VAT1L: variants seen among roughly 807,000 people sequenced by gnomAD.
VAT1L encodes putative NADPH-dependent quinone oxidoreductase VAT1L.
A neutral mutation model predicts 44.1 loss-of-function variants in VAT1L; 34 were observed. The ratio of observed to expected loss-of-function variants is 0.77; its 90% CI spans 0.59 to 1.03. The LOEUF (loss-of-function observed/expected upper bound fraction) is 1.03, where lower values mean the gene tolerates loss of function less well. Among genes scored for constraint, VAT1L ranks in the 50% least tolerant of loss-of-function variants. VAT1L has a pLI of 0.00. For synonymous variants in VAT1L, 253 were observed against 202.2 expected (o/e 1.25, Z -2.13); for missense variants, 615 against 538.8 (o/e 1.14, Z -1.40).
chr16:77,855,730 G>T (rs988807485), intron 3 of VAT1L, among the ~76,000 whole-genome samples: 2 of 152,156 alleles, frequency 1.3e-5, no homozygotes, highest in African/African-American at 4.8e-5. Flanking sequence ...ATCCAGTAGA[G>T]ATGCTCATTA....
chr16:77,950,089 G>A (rs975451896), intron 7 of VAT1L, among the ~76,000 whole-genome samples: 3 of 152,146 alleles, frequency 2.0e-5, no homozygotes, highest in African/African-American at 4.8e-5. Flanking sequence ...CAATGAACAT[G>A]TGCTCATTGT....
chr16:77,962,319 A>C (rs891889065), intron 7 of VAT1L, among the ~76,000 whole-genome samples: 2 of 152,038 alleles, frequency 1.3e-5, no homozygotes, highest in African/African-American at 4.8e-5. Flanking sequence ...CAGGAACCCA[A>C]AGCATGGTCT....
At chr16:77,855,356 A>G (rs1169511036) in intron 3 of VAT1L, among the ~76,000 whole-genome samples, 2 of 151,838 alleles carry the variant, frequency 1.3e-5, no homozygotes, top group Non-Finnish European at 2.9e-5. Flanking sequence ...AAAAAAAAAA[A>G]AAGTGAAATC....
chr16:77,813,324 A>T (rs1193728452), intron 1 of VAT1L, among the ~76,000 whole-genome samples: 1 of 152,204 alleles, frequency 6.6e-6, no homozygotes, highest in Non-Finnish European at 1.5e-5. Flanking sequence ...AGAGTCAACA[A>T]TGTCTGTCCC....
At chr16:77,802,387 G>A (rs990677701) in intron 1 of VAT1L, among the ~76,000 whole-genome samples, 20 of 152,048 alleles carry the variant, frequency 1.3e-4, no homozygotes, top group African/African-American at 4.8e-4. Context: ...GAGGGCAAGG[G>A]GGGTGGAGCA....
At chr16:77,820,934 G>C (rs1048832650) in intron 2 of VAT1L, among the ~76,000 whole-genome samples, 1 of 152,168 alleles carries the variant, frequency 6.6e-6, no homozygotes, top group East Asian at 1.9e-4. Context: ...CCCTGCCCTA[G>C]CAGTGCATTC....
At chr16:77,802,842 A>G (rs2016088341) in intron 1 of VAT1L, among the ~76,000 whole-genome samples, 1 of 151,930 alleles carries the variant, frequency 6.6e-6, no homozygotes, top group Non-Finnish European at 1.5e-5. Context: ...CACCCTTCAT[A>G]TCTAGTCTTT....
At chr16:77,846,461 T>G (rs2016759117) in intron 3 of VAT1L, among the ~76,000 whole-genome samples, 1 of 152,168 alleles carries the variant, frequency 6.6e-6, no homozygotes, top group South Asian at 2.1e-4. Flanking sequence ...GGATGCCACC[T>G]TCACTACTGG....
intron 1 of VAT1L, among the ~76,000 whole-genome samples, chr16:77,814,884 C>A (rs2016325547): frequency 6.6e-6 from 1 of 152,182 alleles, no homozygotes. Context: ...CATACTTCTG[C>A]CTTCTTAACG....
intron 3 of VAT1L, among the ~76,000 whole-genome samples, chr16:77,832,058 C>T (rs566547988): frequency 2.7e-5 from 4 of 148,876 alleles, no homozygotes; most frequent in South Asian, 4.3e-4. Flanking sequence ...GAACTCCTGA[C>T]CTCGGGCAAT....
intron 7 of VAT1L, among the ~76,000 whole-genome samples, chr16:77,920,012 A>G (rs1567508564): frequency 6.6e-6 from 1 of 152,162 alleles, no homozygotes; most frequent in Admixed American, 6.5e-5. Flanking sequence ...TGAACCTGAG[A>G]GGCAGAGATT....
chr16:77,943,611 C>G (rs2142514949), intron 7 of VAT1L, among the ~76,000 whole-genome samples: 1 of 151,940 alleles, frequency 6.6e-6, no homozygotes, highest in African/African-American at 2.4e-5. Flanking sequence ...ACCATGTTAG[C>G]CAGGATGGTC....
At chr16:77,970,120 T>A (rs1027424661) in intron 7 of VAT1L, among the ~76,000 whole-genome samples, 4 of 148,036 alleles carry the variant, frequency 2.7e-5, no homozygotes, top group African/African-American at 9.9e-5. Context: ...CCAGTAATCC[T>A]AGCTACTTGG....
chr16:77,846,893 A>C (rs1403694345), intron 3 of VAT1L, among the ~76,000 whole-genome samples: 1 of 152,204 alleles, frequency 6.6e-6, no homozygotes, highest in African/African-American at 2.4e-5. Context: ...AATTATTGAT[A>C]ATACATATTA....
intron 7 of VAT1L, among the ~76,000 whole-genome samples, chr16:77,954,041 G>A (rs760941725): frequency 5.9e-5 from 9 of 152,076 alleles, no homozygotes; most frequent in Non-Finnish European, 1.3e-4. Context: ...CACCACCACT[G>A]AGATTCGTCC....
intron 2 of VAT1L, among the ~76,000 whole-genome samples, chr16:77,818,553 C>A (rs538241917): frequency 6.6e-6 from 1 of 152,174 alleles, no homozygotes; most frequent in Non-Finnish European, 1.5e-5. Context: ...CAGCTCACTC[C>A]GTTAACCCCA....
intron 7 of VAT1L, among the ~76,000 whole-genome samples, chr16:77,919,203 T>C (rs1397924374): frequency 6.9e-6 from 1 of 144,670 alleles, no homozygotes; most frequent in African/African-American, 2.5e-5. Flanking sequence ...TTTCAGCAGC[T>C]TTCTCTGCAA....
chr16:77,941,597 G>A (rs1406829519), intron 7 of VAT1L, among the ~76,000 whole-genome samples: 1 of 152,126 alleles, frequency 6.6e-6, no homozygotes, highest in Non-Finnish European at 1.5e-5. Context: ...TTGCCACACT[G>A]CCTTTTTTTG....
chr16:77,971,209 G>A (rs1393680350), intron 7 of VAT1L, among the ~76,000 whole-genome samples: 1 of 152,112 alleles, frequency 6.6e-6, no homozygotes, highest in Non-Finnish European at 1.5e-5. Context: ...AAGGCAAATT[G>A]GATTCTGCCA....
Sources: gnomAD v4.1 joint callset for allele counts (sites outside exome capture counted in the v4.1 genomes callset) on GRCh38, gnomAD v4.1.1 for gene constraint, MANE v1.5 for transcripts, NCBI Gene and HGNC (gene_info 2026-07-23, HGNC 2026-07-21) for gene names.